The following SCARA3 variants were observed in gnomAD, a reference collection of about 807,000 sequenced individuals.
The protein encoded by SCARA3 is scavenger receptor class A member 3, also known as cellular stress response gene protein.
Under a neutral mutation model 47.0 loss-of-function variants are expected in SCARA3, and 39 were observed. That is an observed-to-expected ratio of 0.83 (90% CI 0.64 to 1.08). SCARA3 has a LOEUF of 1.08. Among genes scored for constraint, SCARA3 ranks in the 50% least tolerant of loss-of-function variants. The probability of loss-of-function intolerance (pLI) is 0.00; values close to 1 mark genes in which losing one functional copy is unlikely to be tolerated. For synonymous variants in SCARA3, 356 were observed against 334.1 expected (o/e 1.07, Z -0.71); for missense variants, 724 against 792.3 (o/e 0.91, Z 1.04).
In SCARA3 at chr8:27,633,931, G is replaced by T. The variant is rs1054597034; in HGVS notation, c.-270G>T. 2.5e-5 allele frequency: 4 copies of T among 161,764 alleles called. No homozygotes were observed. In the East Asian group the frequency reaches 7.2e-4, roughly 29 times the overall value. The allele number at this position is 161,764 out of a possible 1,614,324, so 10.0% of individuals were successfully genotyped here. On this transcript the variant is annotated 5_prime_UTR_variant, in exon 1 of 6. Coordinates refer to ENST00000301904, the MANE Select transcript of SCARA3 (RefSeq NM_016240.3). ...CTCGCGGGGCCCCAGCGGGAAGCGC[G>T]GGCGGCGGCGGGATGCGCGCTCTGG...
chr8:27,725,622 G>A, the SCARA3 span, among the ~76,000 whole-genome samples: 1 of 151,938 alleles, frequency 6.6e-6, no homozygotes. Context: ...AGGTGTCTAG[G>A]CTACATTTGG....
At chr8:27,703,623 G>A in the SCARA3 span, 1 of 152,206 alleles carries the variant, frequency 6.6e-6, no homozygotes, top group Admixed American at 6.5e-5. Flanking sequence ...TAGGGTTGGG[G>A]GGGATCTGTT....
At chr8:27,637,669 G>T (rs1801283874) in intron 1 of SCARA3, among the ~76,000 whole-genome samples, 1 of 151,984 alleles carries the variant, frequency 6.6e-6, no homozygotes, top group Non-Finnish European at 1.5e-5. Context: ...CGGTGGCCAG[G>T]GCAGGGGGCA....
intron 3 of SCARA3, 136 bp downstream of exon 3, chr8:27,651,763 G>A (rs1801639210): frequency 1.6e-6 from 2 of 1,228,844 alleles, no homozygotes; most frequent in South Asian, 1.5e-5. Context: ...CTGGCTAGGG[G>A]ATCTCTATGC....
At chr8:27,715,369 A>G in the SCARA3 span, among the ~76,000 whole-genome samples, 1 of 152,088 alleles carries the variant, frequency 6.6e-6, no homozygotes, top group Non-Finnish European at 1.5e-5. The surrounding 1 kb of genome is among the most constrained non-coding windows in gnomAD (Gnocchi z 4.2). Flanking sequence ...AGCTGCTGCC[A>G]CTTCCCATCC....
the SCARA3 span, among the ~76,000 whole-genome samples, chr8:27,704,268 A>C: frequency 6.6e-6 from 1 of 152,062 alleles, no homozygotes; most frequent in South Asian, 2.1e-4. Context: ...CAACACAGCA[A>C]GACCTTGTCT....
intron 5 of SCARA3, 84 bp from the exon 6 acceptor site, chr8:27,670,816 C>T (rs143736113): frequency 4.4e-5 from 51 of 1,164,756 alleles, no homozygotes; most frequent in Admixed American, 1.0e-4. Context: ...CTCGGGCTGT[C>T]GCCGTGCCCG....
intron 1 of SCARA3, 90 bp from the exon 2 acceptor site, chr8:27,649,612 T>G: frequency 8.3e-7 from 1 of 1,206,624 alleles, no homozygotes; most frequent in Non-Finnish European, 1.2e-6. Flanking sequence ...GGGGTAGAGG[T>G]GGGCATGGGA....
At chr8:27,645,748 C>T (rs553238096) in intron 1 of SCARA3, among the ~76,000 whole-genome samples, 4 of 152,302 alleles carry the variant, frequency 2.6e-5, no homozygotes, top group South Asian at 2.1e-4. Flanking sequence ...GCATAGAAGA[C>T]GGAGAGGGGA....
chr8:27,733,821 G>A, the SCARA3 span: 57 of 152,224 alleles, frequency 3.7e-4, no homozygotes, highest in African/African-American at 1.3e-3. Context: ...CCTCATAAAC[G>A]GTTCCAGCTT....
chr8:27,712,875 A>G, the SCARA3 span, among the ~76,000 whole-genome samples: 4 of 152,228 alleles, frequency 2.6e-5, no homozygotes, highest in South Asian at 8.3e-4. Flanking sequence ...TTTTGAAAAA[A>G]AAACCTCAAA....
the SCARA3 span, chr8:27,703,542 A>G: frequency 1.3e-4 from 20 of 152,250 alleles, no homozygotes; most frequent in African/African-American, 4.6e-4. Flanking sequence ...CCAACCGGCA[A>G]TGGGTGTGGT....
chr8:27,649,991 G>A (rs1324132013), intron 2 of SCARA3, among the ~76,000 whole-genome samples, 191 bp downstream of exon 2: 1 of 152,082 alleles, frequency 6.6e-6, no homozygotes, highest in East Asian at 1.9e-4. Context: ...AGTCAAAGGA[G>A]TTTAATGTTT....
intron 1 of SCARA3, among the ~76,000 whole-genome samples, chr8:27,639,265 C>G (rs1801329511): frequency 6.6e-6 from 1 of 152,180 alleles, no homozygotes; most frequent in Non-Finnish European, 1.5e-5. Context: ...TCTGCCCTCC[C>G]AGCAGAAATA....
chr8:27,670,878 C>T, intron 5 of SCARA3, 22 bp from the exon 6 acceptor site: 1 of 1,513,468 alleles, frequency 6.6e-7, no homozygotes, highest in Non-Finnish European at 8.8e-7. Context: ...ACTGACCTCT[C>T]CCATCTTCTC....
At chr8:27,709,548 G>A in the SCARA3 span, among the ~76,000 whole-genome samples, 1 of 152,150 alleles carries the variant, frequency 6.6e-6, no homozygotes, top group African/African-American at 2.4e-5. Context: ...GAGGCGCTTG[G>A]GGGCTGTTTG....
At chr8:27,710,503 ATT>A in the SCARA3 span, among the ~76,000 whole-genome samples, 1 of 152,342 alleles carries the variant, frequency 6.6e-6, no homozygotes, top group African/African-American at 2.4e-5. Context: ...TCAATGAACA[ATT>A]AAGTACCGAT....
the SCARA3 span, among the ~76,000 whole-genome samples, chr8:27,693,345 C>T: frequency 6.6e-6 from 1 of 152,196 alleles, no homozygotes; most frequent in Non-Finnish European, 1.5e-5. Context: ...TGCCTCCGGC[C>T]ATAGTCACTC....
chr8:27,643,577 C>G (rs888684887), intron 1 of SCARA3, among the ~76,000 whole-genome samples: 1 of 152,144 alleles, frequency 6.6e-6, no homozygotes, highest in Non-Finnish European at 1.5e-5. Flanking sequence ...CGGAAGGGCT[C>G]TAATGAAAAC....
Sources: gnomAD v4.1 joint callset for allele counts (sites outside exome capture counted in the v4.1 genomes callset) on GRCh38, gnomAD v4.1.1 for gene constraint, Gnocchi (gnomAD v3.1) non-coding constraint, MANE v1.5 for transcripts, NCBI Gene and HGNC (gene_info 2026-07-23, HGNC 2026-07-21) for gene names.